The following CCDC149 variants were observed in gnomAD, a reference collection of about 807,000 sequenced individuals.
CCDC149 encodes the protein coiled-coil domain-containing protein 149.
A neutral mutation model predicts 59.9 loss-of-function variants in CCDC149; 45 were observed. The observed-to-expected ratio is 0.75, with a 90% CI of 0.59 to 0.96. The LOEUF is 0.96. Among genes scored for constraint, CCDC149 ranks in the 40% least tolerant of loss-of-function variants. The pLI is 0.00. For missense variants in CCDC149, 584 were observed against 664.7 expected (o/e 0.88, Z 1.33); for synonymous variants, 245 against 260.6 (o/e 0.94, Z 0.58).
rs1429277503 is a variant in CCDC149 at position 24,874,679 on chromosome 4, A to T, written c.226-960T>A. Among the ~76,000 whole-genome samples the T allele has an allele frequency of 5.9e-5, 9 of 152,230 alleles. No individual in the cohort carries two copies. In the East Asian group the frequency reaches 1.5e-3, roughly 26 times the overall value. On this transcript the variant is annotated intron_variant, in intron 2 of 12. Transcript: ENST00000635206. ...TGAATAAGTGAATGCTCATTAAATG[A>T]GCACTCTAATATCTGATGCTGTCCA...
chr4:24,814,227 G>A (rs1377062363), intron 12 of CCDC149, among the ~76,000 whole-genome samples: 3 of 152,046 alleles, frequency 2.0e-5, no homozygotes, highest in Admixed American at 1.3e-4. Flanking sequence ...CATTACTTGT[G>A]CTCACAATGA....
rs2109076624 is a variant in CCDC149 at position 24,806,279 on chromosome 4, AGAC to A, written c.*2107_*2109del. On this transcript the variant is annotated 3_prime_UTR_variant, in exon 13 of 13. Coordinates refer to ENST00000635206, the MANE Select transcript of CCDC149 (RefSeq NM_001330643.2). Reference sequence around the variant, plus strand: ...GGCTCTCATTTCACCTGATAACATAAGACCCTCCCCGCTGACTACACACAGTTT... The same window carrying A: ...GGCTCTCATTTCACCTGATAACATAACCTCCCCGCTGACTACACACAGTTT... 1 of 152,368 alleles carries A rather than the reference AGAC, an allele frequency of 6.6e-6. No homozygotes were observed. The highest frequency in any genetic ancestry group is 2.1e-4 in the South Asian group (1 of 4,824). 9.4% of individuals were successfully genotyped at this position (152,368 alleles called of 1,614,324 possible).
intron 1 of CCDC149, among the ~76,000 whole-genome samples, chr4:24,903,024 C>CAAAACAAAAA (rs1721264416): frequency 1.9e-5 from 1 of 52,508 alleles, no homozygotes; most frequent in Non-Finnish European, 3.3e-5. Flanking sequence ...GAGTCTAACT[C>CAAAACAAAAA]AAAAAAAAAA....
At chr4:24,833,960 G>A (rs1716333421) in intron 8 of CCDC149, among the ~76,000 whole-genome samples, 1 of 152,204 alleles carries the variant, frequency 6.6e-6, no homozygotes, top group African/African-American at 2.4e-5. Context: ...AGTGTGGCTG[G>A]CATTCCCCAC....
intron 1 of CCDC149, among the ~76,000 whole-genome samples, chr4:24,934,718 G>C (rs1256055935): frequency 6.6e-6 from 1 of 152,220 alleles, no homozygotes; most frequent in Non-Finnish European, 1.5e-5. Context: ...CCACAGCAAA[G>C]ATGGTCTAGA....
chr4:24,862,497 G>T (rs1422919505), intron 3 of CCDC149, among the ~76,000 whole-genome samples: 2 of 152,060 alleles, frequency 1.3e-5, no homozygotes, highest in Non-Finnish European at 2.9e-5. Flanking sequence ...TACTCGCTGT[G>T]GTTTGTCCCC....
intron 1 of CCDC149, chr4:24,895,222 A>C (rs1720774876): frequency 1.6e-6 from 1 of 614,096 alleles, no homozygotes; most frequent in African/African-American, 1.8e-5. Context: ...AGAAGGGCAT[A>C]GGAAGCCTTC....
chr4:24,934,834 T>C (rs1722694682), intron 1 of CCDC149, among the ~76,000 whole-genome samples: 1 of 152,202 alleles, frequency 6.6e-6, no homozygotes, highest in Admixed American at 6.5e-5. Flanking sequence ...AGATATGGGA[T>C]GTGGCTGAAG....
chr4:24,844,001 C>T (rs1201073712), intron 4 of CCDC149, among the ~76,000 whole-genome samples: 1 of 152,136 alleles, frequency 6.6e-6, no homozygotes, highest in African/African-American at 2.4e-5. Flanking sequence ...AGCCCACTCA[C>T]AGGTCTGTCC....
At chr4:24,831,766 G>A (rs1399024430) in intron 8 of CCDC149, 116 bp from the exon 9 acceptor site, 1 of 872,688 alleles carries the variant, frequency 1.1e-6, no homozygotes, top group Non-Finnish European at 1.7e-6. Context: ...ATGCTACTAT[G>A]TTGTATTGAG....
At chr4:24,892,725 AT>A (rs1341906251) in intron 1 of CCDC149, among the ~76,000 whole-genome samples, 1 of 152,158 alleles carries the variant, frequency 6.6e-6, no homozygotes, top group Non-Finnish European at 1.5e-5. Context: ...TGTCTGAAAC[AT>A]TTCCTTTCCA....
intron 2 of CCDC149, 94 bp from the exon 3 acceptor site, chr4:24,873,813 C>T (rs192965595): frequency 1.5e-5 from 14 of 904,636 alleles, no homozygotes; most frequent in African/African-American, 3.3e-5. Flanking sequence ...TAAATGTAGA[C>T]TCTCCCCACC....
intron 1 of CCDC149, among the ~76,000 whole-genome samples, chr4:24,887,219 G>A (rs1720235691): frequency 6.6e-6 from 1 of 150,682 alleles, no homozygotes; most frequent in South Asian, 2.1e-4. Flanking sequence ...ATTACTATTT[G>A]GGTGGCTTTA....
chr4:24,924,352 A>G (rs995236457), intron 1 of CCDC149, among the ~76,000 whole-genome samples: 1 of 152,208 alleles, frequency 6.6e-6, no homozygotes, highest in Non-Finnish European at 1.5e-5. Flanking sequence ...GCTGCATAAC[A>G]AACCATCCCA....
chr4:24,947,052 A>G (rs1723131059), intron 1 of CCDC149, among the ~76,000 whole-genome samples: 1 of 152,144 alleles, frequency 6.6e-6, no homozygotes, highest in East Asian at 1.9e-4. Flanking sequence ...CAGTAATAAT[A>G]TTTTTGCAAT....
intron 3 of CCDC149, among the ~76,000 whole-genome samples, chr4:24,867,643 T>C (rs187521003): frequency 1.2e-4 from 19 of 152,264 alleles, no homozygotes; most frequent in Admixed American, 2.0e-4. Context: ...CTCCATGAAA[T>C]TGAATGCAAA....
At chr4:24,813,820 G>C (rs149363573) in intron 12 of CCDC149, among the ~76,000 whole-genome samples, 2 of 152,240 alleles carry the variant, frequency 1.3e-5, no homozygotes, top group African/African-American at 4.8e-5. Context: ...AGAAATGAAA[G>C]AGTGAAATCA....
intron 1 of CCDC149, among the ~76,000 whole-genome samples, chr4:24,961,365 G>A (rs571018361): frequency 8.5e-5 from 13 of 152,234 alleles, no homozygotes; most frequent in Admixed American, 2.6e-4. Flanking sequence ...AATCAATATC[G>A]TGAAAATGGC....
At chr4:24,871,892 T>A (rs1180949687) in intron 3 of CCDC149, among the ~76,000 whole-genome samples, 1 of 152,178 alleles carries the variant, frequency 6.6e-6, no homozygotes, top group Non-Finnish European at 1.5e-5. Flanking sequence ...ACAGAACATA[T>A]CTATCTATGA....
Sources: gnomAD v4.1 joint callset for allele counts (sites outside exome capture counted in the v4.1 genomes callset) on GRCh38, gnomAD v4.1.1 for gene constraint, MANE v1.5 for transcripts, NCBI Gene and HGNC (gene_info 2026-07-23, HGNC 2026-07-21) for gene names.